Variants in IGSF21 observed in about 807,000 individuals in gnomAD.
IGSF21 encodes the protein immunoglobin superfamily member 21.
IGSF21 carries 28 observed loss-of-function variants against 46.8 expected under a neutral mutation model. The ratio of observed to expected loss-of-function variants is 0.60; its 90% CI spans 0.44 to 0.82. The LOEUF (loss-of-function observed/expected upper bound fraction) is 0.82. Ranked by LOEUF, IGSF21 falls within the 40% of genes least tolerant of loss-of-function variation. The pLI is 0.00. For synonymous variants in IGSF21, 284 were observed against 273.6 expected, an observed-to-expected ratio of 1.04 and a Z score of -0.38; for missense variants, 624 against 665.5, an observed-to-expected ratio of 0.94 and a Z score of 0.69.
At chr1:18,214,435 A>T (rs1557590819) in intron 1 of IGSF21, among the ~76,000 whole-genome samples, 2 of 152,186 alleles carry the variant, frequency 1.3e-5, no homozygotes, top group African/African-American at 2.4e-5. Flanking sequence ...TAGGATGGGA[A>T]ATCTATAGCT....
intron 2 of IGSF21, among the ~76,000 whole-genome samples, chr1:18,279,135 G>A (rs537718695): frequency 3.6e-4 from 55 of 152,272 alleles, no homozygotes; most frequent in African/African-American, 1.0e-3. Flanking sequence ...CTAAGCAAGC[G>A]GGGCCCCACC....
intron 4 of IGSF21, among the ~76,000 whole-genome samples, chr1:18,345,056 G>A (rs554379565): frequency 1.3e-5 from 2 of 152,264 alleles, no homozygotes; most frequent in South Asian, 4.1e-4. Context: ...GAAACCCCCA[G>A]GGTCTGAGGA....
At chr1:18,252,045 G>GTTTTTTTTTT (rs59704256) in intron 2 of IGSF21, among the ~76,000 whole-genome samples, 10 of 72,092 alleles carry the variant, frequency 1.4e-4, no homozygotes, top group Non-Finnish European at 2.5e-4. Context: ...TGACCAAGGC[G>GTTTTTTTTTT]TTTTTTTTTT....
chr1:18,259,909 G>A (rs2084930710), intron 2 of IGSF21, among the ~76,000 whole-genome samples: 1 of 152,206 alleles, frequency 6.6e-6, no homozygotes, highest in Non-Finnish European at 1.5e-5. Context: ...TTCTGGAGTT[G>A]TGTGTGTGGT....
chr1:18,128,565 C>G (rs1040926126), intron 1 of IGSF21, among the ~76,000 whole-genome samples: 34 of 152,198 alleles, frequency 2.2e-4, no homozygotes, highest in African/African-American at 8.2e-4. Context: ...TCCCCTTTGG[C>G]CCTGGGGAGA....
intron 2 of IGSF21, among the ~76,000 whole-genome samples, chr1:18,280,722 G>A (rs562843143): frequency 9.3e-4 from 141 of 152,150 alleles, no homozygotes; most frequent in African/African-American, 3.2e-3. Context: ...CCACATGTGT[G>A]AGCCATGACC....
intron 3 of IGSF21, among the ~76,000 whole-genome samples, chr1:18,305,512 GAAT>G (rs2085415114): frequency 1.5e-5 from 2 of 134,482 alleles, no homozygotes; most frequent in African/African-American, 6.4e-5. Context: ...ATGGATGGAT[GAAT>G]GGATGGATGG....
chr1:18,179,438 T>C (rs2086835605), intron 1 of IGSF21: 2 of 152,214 alleles, frequency 1.3e-5, no homozygotes, highest in South Asian at 4.1e-4. Flanking sequence ...TGCCTCCATG[T>C]AAAAATGGTA....
chr1:18,228,624 T>C (rs1371430720), intron 2 of IGSF21, among the ~76,000 whole-genome samples: 1 of 152,164 alleles, frequency 6.6e-6, no homozygotes, highest in Non-Finnish European at 1.5e-5. Context: ...TGTGTCTGGA[T>C]GGGGCATCCC....
intron 6 of IGSF21, among the ~76,000 whole-genome samples, chr1:18,367,070 C>A (rs970877635): frequency 5.3e-5 from 8 of 152,172 alleles, no homozygotes. Context: ...GCCCGAGATG[C>A]CTGGGCTCAT....
intron 2 of IGSF21, among the ~76,000 whole-genome samples, chr1:18,265,639 C>G (rs1475943288): frequency 6.6e-6 from 1 of 152,236 alleles, no homozygotes; most frequent in East Asian, 1.9e-4. Context: ...AGGCCAACTC[C>G]TGTGCCCATC....
chr1:18,243,574 C>T (rs1380131602), intron 2 of IGSF21, among the ~76,000 whole-genome samples: 1 of 152,150 alleles, frequency 6.6e-6, no homozygotes, highest in Non-Finnish European at 1.5e-5. Flanking sequence ...GCCAGAGTGA[C>T]CTTTTGAAAT....
At chr1:18,180,950 G>T (rs1388742535) in intron 1 of IGSF21, among the ~76,000 whole-genome samples, 1 of 152,224 alleles carries the variant, frequency 6.6e-6, no homozygotes, top group African/African-American at 2.4e-5. Flanking sequence ...TTAAGTGCCT[G>T]CCCTGCAGAA....
In IGSF21 at chr1:18,376,380, G is replaced by T. The variant is rs2086280601; in HGVS notation, c.1086G>T (p.Leu362=). 13 of 1,613,586 alleles carry T rather than the reference G, an allele frequency of 8.1e-6. No individual in the cohort carries two copies. Among genetic ancestry groups the T allele is most frequent in the African/African-American group, 1.3e-5 (1 of 75,008 alleles). Residue 362 remains leucine, a synonymous_variant, in exon 7 of 10, where the codon CTG becomes CTT. Coordinates refer to ENST00000251296, the MANE Select transcript of IGSF21 (RefSeq NM_032880.5). ...RARVGDTVRI[L]VHGFQNEVFP... ...GGGTAGGGGACACAGTGAGGATTCT[G>T]GTCCATGGGTTTCAGGTCAGCCTCT...
chr1:18,202,330 G>A (rs1379411210), intron 1 of IGSF21, among the ~76,000 whole-genome samples: 1 of 152,160 alleles, frequency 6.6e-6, no homozygotes, highest in Non-Finnish European at 1.5e-5. Flanking sequence ...CAAACTCCTA[G>A]GTGTCTTCTT....
intron 2 of IGSF21, among the ~76,000 whole-genome samples, chr1:18,259,271 C>A (rs541676823): frequency 1.3e-5 from 2 of 152,054 alleles, no homozygotes; most frequent in Non-Finnish European, 1.5e-5. Flanking sequence ...CTGAATGGGG[C>A]CACTCTAAGT....
At chr1:18,191,949 T>A (rs1045004548) in intron 1 of IGSF21, among the ~76,000 whole-genome samples, 6 of 152,200 alleles carry the variant, frequency 3.9e-5, no homozygotes, top group Admixed American at 1.3e-4. Flanking sequence ...ACATGTGACA[T>A]CTGCCCTCCT....
chr1:18,145,831 G>A (rs770186568), intron 1 of IGSF21, among the ~76,000 whole-genome samples: 1 of 152,172 alleles, frequency 6.6e-6, no homozygotes, highest in Non-Finnish European at 1.5e-5. Context: ...CAAGGTCGAC[G>A]CTCTGCCAGG....
intron 2 of IGSF21, among the ~76,000 whole-genome samples, chr1:18,287,979 C>T (rs2085232030): frequency 6.6e-6 from 1 of 152,058 alleles, no homozygotes; most frequent in African/African-American, 2.4e-5. Context: ...AACAGATGGT[C>T]CAGAAAGGTG....
Sources: allele counts gnomAD v4.1 joint callset (sites outside exome capture counted in the v4.1 genomes callset), GRCh38; gene constraint gnomAD v4.1.1; transcripts MANE v1.5; gene names NCBI Gene and HGNC (gene_info 2026-07-23, HGNC 2026-07-21).